LEMD1: variants seen among roughly 807,000 people sequenced by gnomAD.
LEMD1 encodes the protein LEM domain-containing protein 1.
A neutral mutation model predicts 17.4 loss-of-function variants in LEMD1; 18 were observed. That is an observed-to-expected ratio of 1.04 (90% CI 0.72 to 1.54). The LOEUF is 1.54. Among genes scored for constraint, LEMD1 ranks in the 40% most tolerant of loss-of-function variants. The probability of loss-of-function intolerance (pLI) is 0.00; values close to 1 mark genes in which losing one functional copy is unlikely to be tolerated. For synonymous variants in LEMD1, 88 were observed against 77.8 expected, an observed-to-expected ratio of 1.13 and a Z score of -0.69; for missense variants, 195 against 210.4, an observed-to-expected ratio of 0.93 and a Z score of 0.45.
upstream of LEMD1, among the ~76,000 whole-genome samples, chr1:205,424,018 G>A (rs1018792617): frequency 1.3e-5 from 2 of 152,116 alleles, no homozygotes; most frequent in African/African-American, 4.8e-5. Context: ...TTTGACGTGG[G>A]GCACAATTTC....
intron 4 of LEMD1, among the ~76,000 whole-genome samples, chr1:205,407,621 G>A (rs1665182770): frequency 6.6e-6 from 1 of 152,166 alleles, no homozygotes; most frequent in Admixed American, 6.5e-5. Context: ...TTTCTGAGCT[G>A]TATCCTTTAA....
intron 2 of LEMD1, among the ~76,000 whole-genome samples, chr1:205,420,146 T>C (rs1401071735): frequency 1.3e-5 from 2 of 152,108 alleles, no homozygotes; most frequent in African/African-American, 4.8e-5. Flanking sequence ...GGTGAAACCC[T>C]GTCTCTACAA....
chr1:205,425,594 G>A (rs916959082), upstream of LEMD1, among the ~76,000 whole-genome samples: 36 of 152,188 alleles, frequency 2.4e-4, no homozygotes, highest in Admixed American at 2.4e-3. Context: ...GGCTGCAGAT[G>A]AGGAAACGAG....
upstream of LEMD1, among the ~76,000 whole-genome samples, chr1:205,425,566 T>TA (rs1443260365): frequency 6.6e-6 from 1 of 152,148 alleles, no homozygotes; most frequent in Non-Finnish European, 1.5e-5. Context: ...ACCTACTACG[T>TA]ACCAGGCACC....
intron 1 of LEMD1, among the ~76,000 whole-genome samples, chr1:205,446,578 G>T (rs1666393020): frequency 6.6e-6 from 1 of 152,224 alleles, no homozygotes; most frequent in South Asian, 2.1e-4. Context: ...GAGGGGCCCA[G>T]TTGCAGGGGG....
intron 5 of LEMD1, chr1:205,382,148 C>T (rs1206768283): frequency 5.9e-6 from 2 of 341,152 alleles, no homozygotes; most frequent in Non-Finnish European, 1.1e-5. Flanking sequence ...ACCACAGGTA[C>T]ATGCCACCAC....
rs556589262 is a variant in LEMD1 at position 205,447,514 on chromosome 1, C to T, written c.-39+2354G>A. Among the ~76,000 whole-genome samples, 319 of 152,196 alleles carry T rather than the reference C, an allele frequency of 2.1e-3. 3 individuals carry two copies. Among genetic ancestry groups the T allele is most frequent in the African/African-American group, 7.4e-3 (306 of 41,490 alleles). ...CGGGGTACGAGGATGCTTCCTCTTC[C>T]ACCACAGCCACCTGTTGGAATCTTC... On this transcript the variant is annotated intron_variant, in intron 1 of 3. Coordinates refer to the LEMD1 transcript ENST00000367154.
chr1:205,436,994 C>T (rs750404447), intron 1 of LEMD1: 3 of 152,444 alleles, frequency 2.0e-5, no homozygotes, highest in Non-Finnish European at 2.9e-5. Flanking sequence ...GGCAATTTGC[C>T]AAGGTCAGGA....
intron 1 of LEMD1, chr1:205,437,979 C>T (rs1192710108): frequency 6.6e-6 from 1 of 152,090 alleles, no homozygotes; most frequent in Non-Finnish European, 1.5e-5. Context: ...CCATATGCTA[C>T]ATGCAAAAAG....
intron 4 of LEMD1, among the ~76,000 whole-genome samples, chr1:205,389,517 G>A (rs1404970799): frequency 1.3e-5 from 2 of 152,190 alleles, no homozygotes; most frequent in Non-Finnish European, 2.9e-5. Flanking sequence ...GTCAAGAAAA[G>A]GGTGCTGAGA....
chr1:205,420,565 T>A lies in LEMD1; in HGVS notation c.-29A>T. On this transcript the variant is annotated 5_prime_UTR_variant, in exon 2 of 6. Coordinates refer to ENST00000367153, the MANE Select transcript of LEMD1 (RefSeq NM_001199050.2). ...GATAGAAGTTTGGCCTCTTTTCTGA[T>A]GGTAGAATCCTTGAAATAACAAAAC... 1 of 1,522,160 alleles carries A rather than the reference T, an allele frequency of 6.6e-7. No individual in the cohort carries two copies. Among genetic ancestry groups the A allele is most frequent in the Non-Finnish European group, 9.1e-7 (1 of 1,096,468 alleles). 94.3% of individuals were successfully genotyped at this position (1,522,160 alleles called of 1,614,324 possible).
At chr1:205,417,535 C>A (rs557862192) in intron 3 of LEMD1, among the ~76,000 whole-genome samples, 15 of 152,258 alleles carry the variant, frequency 9.9e-5, no homozygotes, top group African/African-American at 3.4e-4. Flanking sequence ...AGGCTTGGAT[C>A]TGGGACAGGA....
chr1:205,410,722 G>A (rs1472394233), intron 4 of LEMD1, among the ~76,000 whole-genome samples: 2 of 151,956 alleles, frequency 1.3e-5, no homozygotes, highest in Non-Finnish European at 2.9e-5. Flanking sequence ...AAAAAGTAGC[G>A]AGGCATGGTG....
At chr1:205,421,230 GCA>G (rs1665947778) in intron 1 of LEMD1, among the ~76,000 whole-genome samples, 1 of 152,134 alleles carries the variant, frequency 6.6e-6, no homozygotes, top group Non-Finnish European at 1.5e-5. Flanking sequence ...TTCCAAATCT[GCA>G]CAACCTCAAA....
chr1:205,445,828 C>G (rs1055088946), intron 1 of LEMD1, among the ~76,000 whole-genome samples: 2 of 152,172 alleles, frequency 1.3e-5, no homozygotes, highest in Admixed American at 6.5e-5. Context: ...AAAGGTCAAA[C>G]TTTAGTGTCA....
upstream of LEMD1, among the ~76,000 whole-genome samples, chr1:205,423,181 T>C (rs1445496002): frequency 6.6e-6 from 1 of 152,178 alleles, no homozygotes; most frequent in Non-Finnish European, 1.5e-5. Context: ...GGTGGGTGGT[T>C]ATGAAGGCTC....
rs577874920 is a variant in LEMD1 at position 205,444,032 on chromosome 1, G to T, written c.-39+5836C>A. Among the ~76,000 whole-genome samples, 5 of 152,208 alleles carry T rather than the reference G, an allele frequency of 3.3e-5. No homozygotes were observed. In the South Asian group the frequency reaches 8.3e-4, roughly 25 times the overall value. On this transcript the variant is annotated intron_variant, in intron 1 of 3. Transcript: ENST00000367154. ...CCAGCTGGAGGCTCCCTGAAGTCAG[G>T]TCCCCTTGCTGCGTCTATTTGAGGG...
upstream of LEMD1, chr1:205,449,946 C>G (rs1356905348): frequency 6.5e-6 from 1 of 152,688 alleles, no homozygotes; most frequent in South Asian, 2.1e-4. Context: ...GCCTTCCAGG[C>G]AGCCACTCAC....
At chr1:205,394,844 G>A (rs138003490) in intron 4 of LEMD1, among the ~76,000 whole-genome samples, 9,837 of 151,938 alleles carry the variant, frequency 0.065, 418 homozygotes, top group East Asian at 0.11. Flanking sequence ...AAAATTAGCC[G>A]GGTGTGGTGA....
Sources: allele counts gnomAD v4.1 joint callset (sites outside exome capture counted in the v4.1 genomes callset), GRCh38; gene constraint gnomAD v4.1.1; transcripts MANE v1.5; gene names NCBI Gene and HGNC (gene_info 2026-07-23, HGNC 2026-07-21).